LRP1B: variants seen among roughly 807,000 people sequenced by gnomAD.
LRP1B encodes the protein LDL receptor related protein 1B, also known as low-density lipoprotein receptor-related protein 1B.
Under a neutral mutation model 556.6 loss-of-function variants are expected in LRP1B, and 217 were observed. The observed-to-expected ratio is 0.39, with a 90% CI of 0.35 to 0.44. LRP1B has a LOEUF of 0.44. Among genes scored for constraint, LRP1B ranks in the 20% least tolerant of loss-of-function variants. LRP1B has a pLI of 1.00. For missense variants in LRP1B, 5,053 were observed against 5,620.8 expected (o/e 0.90, Z 3.23); for synonymous variants, 2,047 against 1,865.8 (o/e 1.10, Z -2.50).
rs568032350 is a variant in LRP1B, at chr2:141,639,941, G to T, written c.206-159408C>A. Among the ~76,000 whole-genome samples, 6 of 152,246 alleles carry T rather than the reference G, an allele frequency of 3.9e-5. No individual in the cohort carries two copies. In the East Asian group the frequency reaches 1.2e-3, roughly 29 times the overall value. ...CTCACAGGAAGATATGTGCAATGAG[G>T]AAAAGAAAACGCAATGGTAGCTCCC... On this transcript the variant is annotated intron_variant, in intron 2 of 90. Transcript: ENST00000389484.
intron 41 of LRP1B, among the ~76,000 whole-genome samples, chr2:140,619,583 C>A (rs537407687): frequency 7.2e-4 from 109 of 152,186 alleles, no homozygotes; most frequent in African/African-American, 2.5e-3. Flanking sequence ...AGTGGGAGTC[C>A]CCGTATAACC....
At chr2:141,930,931 G>A (rs1286885179) in intron 1 of LRP1B, among the ~76,000 whole-genome samples, 1 of 151,902 alleles carries the variant, frequency 6.6e-6, no homozygotes, top group Non-Finnish European at 1.5e-5. Flanking sequence ...TATTATTAAA[G>A]GGGAAACCAC....
intron 76 of LRP1B, among the ~76,000 whole-genome samples, chr2:140,351,372 C>T (rs1471239222): frequency 6.6e-6 from 1 of 151,850 alleles, no homozygotes; most frequent in Non-Finnish European, 1.5e-5. Flanking sequence ...TGTCAATATC[C>T]AAGTACTATG....
At chr2:141,551,257 C>T (rs1020733669) in intron 2 of LRP1B, among the ~76,000 whole-genome samples, 4 of 151,428 alleles carry the variant, frequency 2.6e-5, no homozygotes, top group African/African-American at 9.7e-5. Context: ...ATATATAACA[C>T]ATATTAATAG....
intron 1 of LRP1B, among the ~76,000 whole-genome samples, chr2:141,982,038 G>GA (rs1559001668): frequency 6.6e-6 from 1 of 152,074 alleles, no homozygotes; most frequent in Non-Finnish European, 1.5e-5. Flanking sequence ...GACTATCACT[G>GA]ACCAAGTAAA....
intron 66 of LRP1B, among the ~76,000 whole-genome samples, chr2:140,387,089 T>A (rs956138265): frequency 1.4e-4 from 21 of 152,168 alleles, no homozygotes; most frequent in Admixed American, 6.6e-4. Flanking sequence ...TAAGCCTTAA[T>A]ACAATACACA....
At chr2:141,998,567 G>A (rs1169273978) in intron 1 of LRP1B, among the ~76,000 whole-genome samples, 1 of 152,126 alleles carries the variant, frequency 6.6e-6, no homozygotes, top group Non-Finnish European at 1.5e-5. Flanking sequence ...CAATTTAGAG[G>A]TTTATTTTGC....
At chr2:141,295,891 A>T (rs752478725) in intron 3 of LRP1B, among the ~76,000 whole-genome samples, 6 of 151,994 alleles carry the variant, frequency 3.9e-5, no homozygotes, top group Non-Finnish European at 8.8e-5. Flanking sequence ...GCAGCATCTT[A>T]ATGAATTGTG....
At chr2:142,005,098 AT>A (rs755078959) in intron 1 of LRP1B, among the ~76,000 whole-genome samples, 9 of 148,350 alleles carry the variant, frequency 6.1e-5, no homozygotes, top group African/African-American at 2.0e-4. Flanking sequence ...TAAACTATAT[AT>A]TTATTAGTTA....
At chr2:140,601,003 G>T (rs13430088) in intron 42 of LRP1B, among the ~76,000 whole-genome samples, 1 of 150,536 alleles carries the variant, frequency 6.6e-6, no homozygotes, top group Non-Finnish European at 1.5e-5. Context: ...TGCACACAAA[G>T]ATTTTTGTAT....
chr2:141,731,758 C>T (rs2105520136), intron 2 of LRP1B, among the ~76,000 whole-genome samples: 1 of 152,206 alleles, frequency 6.6e-6, no homozygotes, highest in East Asian at 1.9e-4. Flanking sequence ...TCTTGCTTTC[C>T]TTATCTATGA....
intron 77 of LRP1B, among the ~76,000 whole-genome samples, chr2:140,349,083 G>A (rs2105111945): frequency 6.6e-6 from 1 of 152,200 alleles, no homozygotes; most frequent in African/African-American, 2.4e-5. Flanking sequence ...ACAGGGTGCA[G>A]AGCTCAGCTC....
intron 67 of LRP1B, among the ~76,000 whole-genome samples, chr2:140,385,362 T>C (rs1683712582): frequency 6.6e-6 from 1 of 152,228 alleles, no homozygotes; most frequent in Admixed American, 6.5e-5. Flanking sequence ...TATTTTTAAA[T>C]TTATTATATA....
At chr2:141,425,399 T>G (rs892652733) in intron 3 of LRP1B, among the ~76,000 whole-genome samples, 1 of 149,946 alleles carries the variant, frequency 6.7e-6, no homozygotes, top group African/African-American at 2.5e-5. Context: ...TGTGTCTTTA[T>G]AGCAGCATGA....
intron 43 of LRP1B, among the ~76,000 whole-genome samples, chr2:140,547,301 T>C (rs1680378217): frequency 6.6e-6 from 1 of 152,090 alleles, no homozygotes; most frequent in African/African-American, 2.4e-5. Context: ...TTTTGGTTGG[T>C]GGGCTATTTA....
chr2:141,818,682 G>A (rs1025398289), intron 1 of LRP1B, among the ~76,000 whole-genome samples: 22 of 151,154 alleles, frequency 1.5e-4, no homozygotes, highest in Admixed American at 7.2e-4. Context: ...GACTACAGGC[G>A]CCTGCCACCA....
chr2:142,022,090 A>G (rs1320223138), intron 1 of LRP1B, among the ~76,000 whole-genome samples: 2 of 152,166 alleles, frequency 1.3e-5, no homozygotes, highest in East Asian at 1.9e-4. Flanking sequence ...TGAATGTCAG[A>G]TCAGAAGTGT....
chr2:140,788,998 C>G (rs1049914442), intron 32 of LRP1B, among the ~76,000 whole-genome samples: 5 of 152,146 alleles, frequency 3.3e-5, no homozygotes, highest in Non-Finnish European at 1.5e-5. Context: ...AACCTACTAA[C>G]ACCTTGATTT....
At chr2:140,562,131 T>C (rs1204205030) in intron 43 of LRP1B, among the ~76,000 whole-genome samples, 2 of 152,062 alleles carry the variant, frequency 1.3e-5, no homozygotes, top group African/African-American at 4.8e-5. Context: ...ACACAATACC[T>C]AGTGGTGGTG....
Sources: gnomAD v4.1 joint callset for allele counts (sites outside exome capture counted in the v4.1 genomes callset) on GRCh38, gnomAD v4.1.1 for gene constraint, MANE v1.5 for transcripts, NCBI Gene and HGNC (gene_info 2026-07-23, HGNC 2026-07-21) for gene names.